The following LEKR1 variants were observed in gnomAD, a reference collection of about 807,000 sequenced individuals.
The protein encoded by LEKR1 is leucine, glutamate and lysine rich 1.
A neutral mutation model predicts 72.4 loss-of-function variants in LEKR1; 59 were observed. The observed-to-expected ratio is 0.82, with a 90% CI of 0.66 to 1.01. LEKR1 has a LOEUF of 1.01. LEKR1 is among the 50% of genes least tolerant of loss of function. The probability of loss-of-function intolerance (pLI) is 0.00; values close to 1 mark genes in which losing one functional copy is unlikely to be tolerated. For synonymous variants in LEKR1, 257 were observed against 263.2 expected (o/e 0.98, Z 0.23); for missense variants, 728 against 759.2 (o/e 0.96, Z 0.48).
intron 7 of LEKR1, among the ~76,000 whole-genome samples, chr3:156,983,490 T>C (rs1392318349): frequency 6.6e-6 from 1 of 152,174 alleles, no homozygotes; most frequent in East Asian, 1.9e-4. Context: ...TGGTTCTATA[T>C]TTATGTCTGG....
At position 156,883,014 on chromosome 3, in the gene LEKR1, A is replaced by T. The variant is rs373791706; in HGVS notation, c.263+30032A>T. On this transcript the variant is annotated intron_variant, in intron 3 of 12. Transcript: ENST00000356539. ...CTGGGGACTGTTGTGGGTTGGGGGG[A>T]GGGGGGAGAGATAGCATTGGGATAT... Among the ~76,000 whole-genome samples, 432 of 136,078 alleles carry T rather than the reference A, an allele frequency of 3.2e-3. 1 individual carries two copies. The highest frequency in any genetic ancestry group is 0.011 in the African/African-American group (411 of 35,918). 89.3% of individuals were successfully genotyped at this position (136,078 alleles called of 152,430 possible).
At chr3:156,898,892 T>C (rs191114854) in intron 3 of LEKR1, among the ~76,000 whole-genome samples, 1 of 152,316 alleles carries the variant, frequency 6.6e-6, no homozygotes, top group Admixed American at 6.5e-5. Flanking sequence ...TTGAGAAGCT[T>C]GAGCTAGGAT....
intron 6 of LEKR1, among the ~76,000 whole-genome samples, chr3:156,978,786 A>T (rs766669268): frequency 6.6e-6 from 1 of 152,156 alleles, no homozygotes; most frequent in Non-Finnish European, 1.5e-5. Flanking sequence ...TAGCAGGAAG[A>T]CTCAGCCATG....
chr3:156,922,395 C>T (rs1724284454), intron 4 of LEKR1, among the ~76,000 whole-genome samples: 1 of 149,400 alleles, frequency 6.7e-6, no homozygotes, highest in Non-Finnish European at 1.5e-5. Flanking sequence ...GTAAAGGATT[C>T]GTAGGCCAAA....
intron 5 of LEKR1, among the ~76,000 whole-genome samples, chr3:156,930,705 G>A (rs1725151289): frequency 6.6e-6 from 1 of 152,066 alleles, no homozygotes; most frequent in African/African-American, 2.4e-5. Context: ...TCAGTATAGT[G>A]CTGGCATATG....
chr3:156,898,303 A>G (rs1458955935), intron 3 of LEKR1, among the ~76,000 whole-genome samples: 1 of 152,156 alleles, frequency 6.6e-6, no homozygotes, highest in Non-Finnish European at 1.5e-5. Flanking sequence ...AGGGTTAAAT[A>G]AAACCCATCT....
chr3:156,916,294 G>C lies in LEKR1; in HGVS notation c.264-4281G>C, dbSNP rs1048972282. The stretch of plus-strand genomic sequence containing the variant: ...TTTAAAATAGTTTTTTTCTAGTTCT[G>C]TGAAGAATATCATTGTTAGACAGGA... On this transcript the variant is annotated intron_variant, in intron 3 of 12. Transcript: ENST00000356539. Among the ~76,000 whole-genome samples, 4 of 151,838 alleles carry C rather than the reference G, an allele frequency of 2.6e-5. 1 individual carries two copies. The highest frequency in any genetic ancestry group is 6.8e-3 in the Middle Eastern group (2 of 294).
chr3:156,986,484 G>T (rs1730698950), intron 7 of LEKR1, among the ~76,000 whole-genome samples: 1 of 152,156 alleles, frequency 6.6e-6, no homozygotes, highest in Non-Finnish European at 1.5e-5. Context: ...ATATGTCAGA[G>T]GTCAATCTGA....
chr3:156,934,905 T>G (rs907087887), intron 5 of LEKR1, among the ~76,000 whole-genome samples: 3 of 152,172 alleles, frequency 2.0e-5, no homozygotes, highest in Non-Finnish European at 4.4e-5. Flanking sequence ...ATGTATCTTA[T>G]TTAACTAATT....
intron 3 of LEKR1, among the ~76,000 whole-genome samples, chr3:156,892,124 G>T (rs1338816516): frequency 6.6e-6 from 1 of 152,144 alleles, no homozygotes; most frequent in Non-Finnish European, 1.5e-5. Context: ...AGTCAGGATT[G>T]GTCCCAACAA....
intron 6 of LEKR1, among the ~76,000 whole-genome samples, chr3:156,957,586 A>G (rs1432271962): frequency 5.3e-5 from 8 of 151,886 alleles, no homozygotes; most frequent in Non-Finnish European, 7.4e-5. Context: ...CACAGTTTTT[A>G]TACTCATTAA....
intron 9 of LEKR1, among the ~76,000 whole-genome samples, chr3:157,010,503 A>G (rs1207662265): frequency 1.3e-5 from 2 of 152,086 alleles, no homozygotes; most frequent in African/African-American, 4.8e-5. Flanking sequence ...GATGTTGAAC[A>G]TGCAATTATA....
chr3:156,930,243 T>C (rs998173986), intron 5 of LEKR1, among the ~76,000 whole-genome samples: 24 of 151,896 alleles, frequency 1.6e-4, no homozygotes, highest in Non-Finnish European at 2.5e-4. Context: ...GAGATAAACA[T>C]TGAAAAAAAA....
chr3:157,045,445 C>A lies in LEKR1; in HGVS notation c.1774C>A (p.Arg592Ser), dbSNP rs778312152. The A allele has an allele frequency of 5.6e-6, 9 of 1,614,108 alleles. No individual in the cohort carries two copies. In the East Asian group the frequency reaches 2.0e-4, roughly 36 times the overall value. ...REQLLELSKL[R>S]GSLPFSPCSL... is the part of the protein sequence containing the mutation. The stretch of plus-strand genomic sequence containing the variant: ...ACAGCTCCTGGAGCTCAGTAAGCTT[C>A]GTGGAAGTTTACCATTCTCACCGTG... Residue 592 changes from arginine (R) to serine (S), a missense_variant, in exon 13 of 13, where the codon CGT (arginine) becomes AGT (serine). Coordinates refer to ENST00000356539, the MANE Select transcript of LEKR1 (RefSeq NM_001004316.3).
intron 3 of LEKR1, among the ~76,000 whole-genome samples, chr3:156,891,940 G>C (rs548783343): frequency 6.6e-6 from 1 of 152,168 alleles, no homozygotes; most frequent in East Asian, 1.9e-4. Flanking sequence ...TGTACTCGTG[G>C]CATGAAAAGA....
At chr3:156,889,714 C>T (rs1436601914) in intron 3 of LEKR1, among the ~76,000 whole-genome samples, 1 of 152,148 alleles carries the variant, frequency 6.6e-6, no homozygotes, top group Non-Finnish European at 1.5e-5. Context: ...TGGTTTTTAG[C>T]TGCTACTAAC....
rs1418919540 is a variant in LEKR1, at chr3:156,854,541, TTTCC to T, written c.263+1562_263+1565del. ...TGTATTTTCTTTTCTCTTTTCTTTCTTTCCTTTTTTTTTTTTGAGACAGGGTCTT... is the reference window on the plus strand; with the variant it reads ...TGTATTTTCTTTTCTCTTTTCTTTCTTTTTTTTTTTTTGAGACAGGGTCTT... On this transcript the variant is annotated intron_variant, in intron 3 of 12. Coordinates refer to ENST00000356539, the MANE Select transcript of LEKR1 (RefSeq NM_001004316.3). Among the ~76,000 whole-genome samples, 913 of 150,390 alleles carry T rather than the reference TTTCC, an allele frequency of 6.1e-3. 10 individuals carry two copies. The highest frequency in any genetic ancestry group is 0.021 in the African/African-American group (868 of 41,048).
chr3:156,867,672 A>G (rs1257922788), intron 3 of LEKR1, among the ~76,000 whole-genome samples: 1 of 152,022 alleles, frequency 6.6e-6, no homozygotes, highest in Admixed American at 6.6e-5. Flanking sequence ...ACATGCAGCA[A>G]ATAGGTATAT....
intron 9 of LEKR1, among the ~76,000 whole-genome samples, chr3:157,009,894 T>G (rs929018072): frequency 6.6e-6 from 1 of 152,114 alleles, no homozygotes; most frequent in African/African-American, 2.4e-5. Context: ...CAACTATTCA[T>G]GTTATCTATT....
Sources: allele counts gnomAD v4.1 joint callset (sites outside exome capture counted in the v4.1 genomes callset), GRCh38; gene constraint gnomAD v4.1.1; transcripts MANE v1.5; gene names NCBI Gene and HGNC (gene_info 2026-07-23, HGNC 2026-07-21).